The following DISP3 variants were observed in gnomAD, a reference collection of about 807,000 sequenced individuals.
DISP3 encodes the protein dispatched RND transporter family member 3.
DISP3 carries 101 observed loss-of-function variants against 135.3 expected under a neutral mutation model. The observed-to-expected ratio is 0.75, with a 90% CI of 0.64 to 0.88. DISP3 has a LOEUF of 0.88. Among genes scored for constraint, DISP3 ranks in the 40% least tolerant of loss-of-function variants. The pLI is 0.00. For synonymous variants in DISP3, 856 were observed against 817.0 expected, an observed-to-expected ratio of 1.05 and a Z score of -0.81; for missense variants, 1,713 against 1,878.6, an observed-to-expected ratio of 0.91 and a Z score of 1.63.
rs1488411862 is a variant in DISP3, at chr1:11,531,161, G to GTATC, written c.3229+130_3229+133dup. 7.0e-6 allele frequency: 10 copies of GTATC among 1,435,014 alleles called. No homozygotes were observed. In the East Asian group the frequency reaches 2.3e-4, roughly 33 times the overall value. 88.9% of individuals were successfully genotyped at this position (1,435,014 alleles called of 1,614,324 possible). On this transcript the variant is annotated intron_variant, in intron 16 of 20. Coordinates refer to ENST00000294484, the MANE Select transcript of DISP3 (RefSeq NM_020780.2). The surrounding 1 kb of genome is among the most constrained non-coding windows in gnomAD (Gnocchi z 5.2). Reference sequence around the variant, plus strand: ...GCATGTGGGGGTCTTTTGCAGATGTGTATCTGTGCTGAGCATGTCCACACC... The same window carrying GTATC: ...GCATGTGGGGGTCTTTTGCAGATGTGTATCTATCTGTGCTGAGCATGTCCACACC...
intron 20 of DISP3, among the ~76,000 whole-genome samples, 177 bp downstream of exon 20, chr1:11,535,821 C>A (rs1642694427): frequency 6.6e-6 from 1 of 152,114 alleles, no homozygotes; most frequent in Non-Finnish European, 1.5e-5. Flanking sequence ...GACTCAAGTT[C>A]TAAGGTCCAC....
Position 11,536,690 on chromosome 1 carries a change from G to C in DISP3, c.*4G>C. On this transcript the variant is annotated 3_prime_UTR_variant, in exon 21 of 21. Coordinates refer to ENST00000294484, the MANE Select transcript of DISP3 (RefSeq NM_020780.2). The surrounding 1 kb of genome is among the most constrained non-coding windows in gnomAD (Gnocchi z 4.3). ...GCCCGCAGGGGCCTCCCTATAGCCCGGGACGGGCTCTGGACACTTGCACCT... is the reference window on the plus strand; with the variant it reads ...GCCCGCAGGGGCCTCCCTATAGCCCCGGACGGGCTCTGGACACTTGCACCT... 1 of 1,550,132 alleles carries C rather than the reference G, an allele frequency of 6.5e-7. No individual in the cohort carries two copies. The highest frequency in any genetic ancestry group is 8.7e-7 in the Non-Finnish European group (1 of 1,149,384).
intron 7 of DISP3, 116 bp downstream of exon 7, chr1:11,517,718 C>T: frequency 7.6e-7 from 1 of 1,310,934 alleles, no homozygotes; most frequent in Non-Finnish European, 1.0e-6. Flanking sequence ...CTTTGCTAGG[C>T]AGGGAACAGG....
Position 11,497,931 on chromosome 1 carries a change from C to T in DISP3, c.-3-3059C>T, listed in dbSNP as rs373542953. 1.3e-3 allele frequency among the ~76,000 whole-genome samples: 191 copies of T among 152,324 alleles called. 4 individuals are homozygous for T. The South Asian group carries it at 0.033, about 26-fold the overall frequency. On this transcript the variant is annotated intron_variant, in intron 1 of 20. Coordinates refer to ENST00000294484, the MANE Select transcript of DISP3 (RefSeq NM_020780.2). ...TCTCAACAAATATCTGACTGCCCCC[C>T]CTCCCCAAGGGTGTTTTAGGCCACG...
intron 4 of DISP3, among the ~76,000 whole-genome samples, chr1:11,514,839 A>G (rs1641957460): frequency 6.6e-6 from 1 of 152,060 alleles, no homozygotes; most frequent in Admixed American, 6.5e-5. Context: ...TCCTTTGTGG[A>G]TTACTTTGTA....
intron 3 of DISP3, among the ~76,000 whole-genome samples, chr1:11,505,676 C>T (rs1417702285): frequency 6.6e-6 from 1 of 152,194 alleles, no homozygotes; most frequent in Non-Finnish European, 1.5e-5. Flanking sequence ...ACTTTTATTG[C>T]TTTTAATACT....
At position 11,530,978 on chromosome 1, in the gene DISP3, C is replaced by T. The variant is rs770721013; in HGVS notation, c.3174C>T (p.Ala1058=). The T allele has an allele frequency of 5.6e-6, 9 of 1,613,896 alleles. No homozygotes were observed. ...GGCACCTGTGTCACCTCTGCAAGGC[C>T]ATCGCAGCCAACTCCGAGCTGGTGA... is the stretch of plus-strand genomic sequence containing the variant. ...EIGHLCHLCK[A]IAANSELVKP... Residue 1058 remains alanine (A), a synonymous_variant, in exon 16 of 21, where the codon GCC becomes GCT. Transcript: ENST00000294484.
intron 13 of DISP3, 107 bp downstream of exon 13, chr1:11,526,942 C>A: frequency 4.7e-6 from 6 of 1,268,378 alleles, no homozygotes; most frequent in Non-Finnish European, 6.3e-6. Context: ...CAGGCCCCCT[C>A]ACTTTTTTTT....
chr1:11,519,288 C>T lies in DISP3; in HGVS notation c.1890-67C>T. The T allele has an allele frequency of 6.5e-7, 1 of 1,535,444 alleles. No individual in the cohort carries two copies. Among genetic ancestry groups the T allele is most frequent in the Admixed American group, 1.7e-5 (1 of 57,932 alleles). The stretch of plus-strand genomic sequence containing the variant: ...ACCTGGGTTCATCTGATCCTCAGGG[C>T]CCTGCCCCACCCTCCCTGGGTACCC... On this transcript the variant is annotated intron_variant, in intron 7 of 20. Coordinates refer to ENST00000294484, the MANE Select transcript of DISP3 (RefSeq NM_020780.2). The surrounding 1 kb of genome is among the most constrained non-coding windows in gnomAD (Gnocchi z 4.3).
chr1:11,522,650 GGCCCAGCCAGA>G (rs1642248315), intron 10 of DISP3, among the ~76,000 whole-genome samples: 4 of 45,246 alleles, frequency 8.8e-5, no homozygotes, highest in African/African-American at 1.9e-4. Context: ...GCCCAGCCAG[GGCCCAGCCAGA>G]GCCCAGCCAG....
At chr1:11,530,012 C>T in intron 15 of DISP3, 53 bp downstream of exon 15, 1 of 1,585,334 alleles carries the variant, frequency 6.3e-7, no homozygotes, top group Non-Finnish European at 8.5e-7. Context: ...AACAGTCTTG[C>T]AAATAAGCAC....
rs374258462 is a variant in DISP3 at position 11,519,325 on chromosome 1, G to A, written c.1890-30G>A. On this transcript the variant is annotated intron_variant, in intron 7 of 20. Transcript: ENST00000294484. The surrounding 1 kb of genome is among the most constrained non-coding windows in gnomAD (Gnocchi z 4.3). ...CTCCCTGGGTACCCAGGACCCTCTG[G>A]TTCACCCCTGTCCCCTACTCTCTCC... 1.9e-6 allele frequency: 3 copies of A among 1,607,802 alleles called. No individual in the cohort carries two copies. The African/African-American group carries it at 4.0e-5, about 22-fold the overall frequency.
chr1:11,531,775 C>T lies in DISP3; in HGVS notation c.3375+65C>T. 6.6e-7 allele frequency: 1 copy of T among 1,523,972 alleles called. No individual in the cohort carries two copies. The highest frequency in any genetic ancestry group is 1.3e-5 in the South Asian group (1 of 77,150). The allele number at this position is 1,523,972 out of a possible 1,614,324, so 94.4% of individuals were successfully genotyped here. ...TTGCCCGGGGTGTGCCACCTCTGATCCCAGCCCTCTTCCCAGATCGGGGGG... is the reference window on the plus strand; with the variant it reads ...TTGCCCGGGGTGTGCCACCTCTGATTCCAGCCCTCTTCCCAGATCGGGGGG... On this transcript the variant is annotated intron_variant, in intron 17 of 20. Transcript: ENST00000294484. This position sits in a 1 kb window ranked among gnomAD's most constrained non-coding sequence, Gnocchi z 5.2.
chr1:11,529,657 A>G lies in DISP3; in HGVS notation c.2900A>G (p.Lys967Arg), dbSNP rs774133672. The change falls in exon 14 of 21, where the codon AAA becomes AGA. Residue 967 changes from lysine (K) to arginine (R), a missense_variant. Physicochemically the swap from Lys to Arg is conservative, Grantham distance 26. This residue lies in a region of DISP3 where 1,142 missense variants were observed against 1,384.6 expected (regional missense o/e 0.82). Transcript: ENST00000294484. The surrounding 1 kb of genome is among the most constrained non-coding windows in gnomAD (Gnocchi z 4.7). ...LLSSSPDGPT[K>R]GFFFVPSEKV... is the part of the protein sequence containing the mutation. ...AGCTCCAGCCCCGATGGGCCTACCA[A>G]AGGCTTCTTCTTCGTGCCTAGTGAG... 44 of 1,608,276 alleles carry G rather than the reference A, an allele frequency of 2.7e-5. No individual in the cohort carries two copies. Among genetic ancestry groups the G allele is most frequent in the Non-Finnish European group, 3.7e-5 (43 of 1,175,614 alleles).
rs1247559970 is a variant in DISP3 at position 11,529,475 on chromosome 1, C to T, written c.2799-81C>T. The T allele has an allele frequency of 2.0e-6, 3 of 1,475,694 alleles. No individual in the cohort carries two copies. The highest frequency in any genetic ancestry group is 2.7e-6 in the Non-Finnish European group (3 of 1,097,276). 91.4% of individuals were successfully genotyped at this position (1,475,694 alleles called of 1,614,324 possible). On this transcript the variant is annotated intron_variant, in intron 13 of 20. Transcript: ENST00000294484. This position sits in a 1 kb window ranked among gnomAD's most constrained non-coding sequence, Gnocchi z 4.7. ...ACCCCATGACACCCCAGCCCCAGTC[C>T]CAACCCTGGCCTGCTGGCCTCACCT... is the stretch of plus-strand genomic sequence containing the variant.
At chr1:11,533,146 C>G (rs1211296548) in intron 17 of DISP3, among the ~76,000 whole-genome samples, 1 of 152,040 alleles carries the variant, frequency 6.6e-6, no homozygotes, top group Non-Finnish European at 1.5e-5. Context: ...CCCTCTCCCC[C>G]TCCCACAGCC....
At chr1:11,517,137 C>T (rs1456271700) in intron 6 of DISP3, among the ~76,000 whole-genome samples, 1 of 147,844 alleles carries the variant, frequency 6.8e-6, no homozygotes, top group Non-Finnish European at 1.5e-5. Context: ...ATGTGTCTTC[C>T]TCTGTCCCCC....
In DISP3 at chr1:11,479,223, G is replaced by C. The variant is rs1387550902; in HGVS notation, c.-153G>C. On this transcript the variant is annotated 5_prime_UTR_variant, in exon 1 of 21. Transcript: ENST00000294484. The stretch of plus-strand genomic sequence containing the variant: ...GTCTGCTTGCCCTGGAGCGGAGGGG[G>C]AGCCCCAGCCTCCTGCGGCTCCGAG... The C allele has an allele frequency of 6.2e-6, 1 of 160,418 alleles. No individual in the cohort carries two copies. The highest frequency in any genetic ancestry group is 1.5e-5 in the Non-Finnish European group (1 of 68,140). 9.9% of individuals were successfully genotyped at this position (160,418 alleles called of 1,614,324 possible).
chr1:11,505,421 C>G (rs963105764), intron 3 of DISP3, among the ~76,000 whole-genome samples: 1 of 152,224 alleles, frequency 6.6e-6, no homozygotes. Context: ...GAAGGACTTT[C>G]ACGGTTTTAG....
Sources: gnomAD v4.1 joint callset for allele counts (sites outside exome capture counted in the v4.1 genomes callset) on GRCh38, gnomAD v4.1.1 for gene constraint, gnomAD v4.1.1 regional missense constraint, Gnocchi (gnomAD v3.1) non-coding constraint, MANE v1.5 for transcripts, NCBI Gene and HGNC (gene_info 2026-07-23, HGNC 2026-07-21) for gene names.